Variants in IL12RB2 observed in about 807,000 individuals in gnomAD.
IL12RB2 encodes interleukin 12 receptor subunit beta 2.
In IL12RB2, 82 loss-of-function variants were observed where a neutral mutation model predicts 89.4. The observed-to-expected ratio is 0.92, with a 90% CI of 0.77 to 1.10. The LOEUF is 1.10. Among genes scored for constraint, IL12RB2 ranks in the 50% least tolerant of loss-of-function variants. The pLI, the probability that IL12RB2 is intolerant of heterozygous loss-of-function variation, is 0.00. For missense variants in IL12RB2, 963 were observed against 1,031.9 expected, an observed-to-expected ratio of 0.93 and a Z score of 0.92; for synonymous variants, 368 against 370.1, an observed-to-expected ratio of 0.99 and a Z score of 0.07.
chr1:67,371,559 C>T (rs1427719623), intron 11 of IL12RB2, among the ~76,000 whole-genome samples: 1 of 151,968 alleles, frequency 6.6e-6, no homozygotes, highest in Non-Finnish European at 1.5e-5. Flanking sequence ...ATCTCTTTTT[C>T]CTTTAAATGT....
intron 16 of IL12RB2, among the ~76,000 whole-genome samples, chr1:67,392,868 C>T (rs932149566): frequency 2.6e-5 from 4 of 152,096 alleles, no homozygotes; most frequent in African/African-American, 9.7e-5. Context: ...AAGTGATCCA[C>T]CCGCCTCAGC....
chr1:67,332,540 T>A (rs1311004942), intron 8 of IL12RB2, among the ~76,000 whole-genome samples: 1 of 152,230 alleles, frequency 6.6e-6, no homozygotes, highest in Non-Finnish European at 1.5e-5. Flanking sequence ...CAACAAATGA[T>A]AATTTATTAC....
Position 67,329,667 on chromosome 1 carries a change from G to A in IL12RB2, c.745G>A (p.Glu249Lys). Residue 249 changes from glutamate (E) to lysine (K), a missense_variant, in exon 7 of 17, where the codon GAG (glutamate) becomes AAG (lysine). Glu to Lys is a moderately conservative substitution (Grantham distance 56). Transcript: ENST00000674203. ...VSRCTLYWRD[E>K]GLVLLNRLRY... is the part of the protein sequence containing the mutation. ...CAGATGTACCCTTTATTGGAGAGAT[G>A]AGGGACTGGTACTGCTTAATCGACT... 1 of 1,589,864 alleles carries A rather than the reference G, an allele frequency of 6.3e-7. No homozygotes were observed. Among genetic ancestry groups the A allele is most frequent in the Non-Finnish European group, 8.6e-7 (1 of 1,157,864 alleles).
intron 16 of IL12RB2, among the ~76,000 whole-genome samples, chr1:67,391,386 T>TAC (rs1491258426): frequency 7.5e-6 from 1 of 133,768 alleles, no homozygotes; most frequent in African/African-American, 3.1e-5. Context: ...TGTGTGTGTC[T>TAC]ATACACACAC....
intron 6 of IL12RB2, among the ~76,000 whole-genome samples, chr1:67,329,162 C>A (rs1248919594): frequency 6.6e-6 from 1 of 152,182 alleles, no homozygotes; most frequent in Non-Finnish European, 1.5e-5. Flanking sequence ...CTTCTCGCCC[C>A]CTTGTTCTTT....
chr1:67,321,570 C>T (rs1294323520), intron 3 of IL12RB2, 32 bp from the exon 4 acceptor site: 1 of 1,455,462 alleles, frequency 6.9e-7, no homozygotes. Context: ...TTATTATCAC[C>T]AACTAAATAT....
Position 67,338,336 on chromosome 1 carries a change from C to CAAAAAAAAA in IL12RB2, c.959-259_959-251dup. Among the ~76,000 whole-genome samples, 175 of 40,098 alleles carry CAAAAAAAAA rather than the reference C, an allele frequency of 4.4e-3. 5 individuals carry two copies. The highest frequency in any genetic ancestry group is 6.5e-3 in the Non-Finnish European group (115 of 17,752). 26.3% of individuals were successfully genotyped at this position (40,098 alleles called of 152,430 possible). On this transcript the variant is annotated intron_variant, in intron 8 of 16. Coordinates refer to ENST00000674203, the MANE Select transcript of IL12RB2 (RefSeq NM_001374259.2). The stretch of plus-strand genomic sequence containing the variant: ...GAGGCAACAGAGCAAGATCCTGTCT[C>CAAAAAAAAA]AAAAAAAAAAAAAAAAAAAAAAAAA...
chr1:67,329,759 AC>A (rs746542628), intron 7 of IL12RB2, 30 bp downstream of exon 7: 2 of 1,503,358 alleles, frequency 1.3e-6, no homozygotes, highest in African/African-American at 2.7e-5. Flanking sequence ...AGGAAAAAAC[AC>A]TGAAGCATTC....
In IL12RB2 at chr1:67,395,958, G is replaced by A; in HGVS notation, c.2458G>A (p.Glu820Lys). 6.2e-7 allele frequency: 1 copy of A among 1,610,518 alleles called. No individual in the cohort carries two copies. The highest frequency in any genetic ancestry group is 2.2e-5 in the East Asian group (1 of 44,878). Residue 820 changes from glutamate (E) to lysine (K), a missense_variant, in exon 17 of 17, where the codon GAA becomes AAA. By Grantham distance (56) the Glu-to-Lys change is moderately conservative. Transcript: ENST00000674203. ...SHEAPLADSL[E>K]ELEPQHISLS... is the part of the protein sequence containing the mutation. ...TGAGGCACCTCTCGCTGACTCTCTGGAAGAACTGGAGCCTCAGCACATCTC... is the reference window on the plus strand; with the variant it reads ...TGAGGCACCTCTCGCTGACTCTCTGAAAGAACTGGAGCCTCAGCACATCTC...
intron 10 of IL12RB2, among the ~76,000 whole-genome samples, chr1:67,359,716 A>AAAAAAAC: frequency 6.6e-6 from 1 of 151,786 alleles, no homozygotes. Flanking sequence ...AGCATCTCAA[A>AAAAAAAC]AAAAAAACAA....
intron 9 of IL12RB2, among the ~76,000 whole-genome samples, chr1:67,340,350 A>G (rs1659390040): frequency 6.6e-6 from 1 of 152,252 alleles, no homozygotes; most frequent in African/African-American, 2.4e-5. Context: ...AGAAGAACCC[A>G]GCCTAATTAT....
intron 9 of IL12RB2, among the ~76,000 whole-genome samples, chr1:67,339,086 T>C (rs17129823): frequency 0.043 from 6,425 of 150,522 alleles, 184 homozygotes; most frequent in Admixed American, 0.067. Flanking sequence ...AAACAAAAGA[T>C]GAAAAAGCTG....
intron 4 of IL12RB2, among the ~76,000 whole-genome samples, chr1:67,322,710 C>T (rs940795462): frequency 3.9e-5 from 6 of 152,160 alleles, no homozygotes; most frequent in Non-Finnish European, 1.5e-5. Context: ...GGCCAAAGTC[C>T]ACCTGACGGG....
intron 6 of IL12RB2, among the ~76,000 whole-genome samples, chr1:67,328,695 T>C (rs1363691921): frequency 6.6e-6 from 1 of 152,184 alleles, no homozygotes; most frequent in Non-Finnish European, 1.5e-5. Flanking sequence ...TGTGAGGTCA[T>C]TCAAGATGCT....
In IL12RB2 at chr1:67,330,678, A is replaced by T; in HGVS notation, c.826A>T (p.Lys276Ter). The change falls in exon 8 of 17, where the codon AAA becomes TAA. Residue 276 changes from lysine (K) to a stop codon, truncating the protein, a stop_gained. Transcript: ENST00000674203. LOFTEE classifies it high-confidence loss of function. ...TTTCAAGGTTAATGTTACAAAGGCC[A>T]AAGGAAGACATGATTTGCTGGATCT... ...LWNMVNVTKA[K>*]GRHDLLDLKP... 6.5e-7 allele frequency: 1 copy of T among 1,549,732 alleles called. No individual in the cohort carries two copies.
Position 67,396,046 on chromosome 1 carries a change from C to A in IL12RB2, c.2546C>A (p.Thr849Asn). Residue 849 changes from threonine to asparagine, a missense_variant, in exon 17 of 17, where the codon ACT becomes AAT. Coordinates refer to ENST00000674203, the MANE Select transcript of IL12RB2 (RefSeq NM_001374259.2). ...ACCTTCTCCTGTGGTGATAAGCTGA[C>A]TCTGGATCAGTTAAAGATGAGGTGT... is the stretch of plus-strand genomic sequence containing the variant. ...PLTFSCGDKLTLDQLKMRCDS... is the reference protein window; with the variant it reads ...PLTFSCGDKLNLDQLKMRCDS... 1 of 1,609,370 alleles carries A rather than the reference C, an allele frequency of 6.2e-7. No homozygotes were observed. The highest frequency in any genetic ancestry group is 8.5e-7 in the Non-Finnish European group (1 of 1,175,542).
At chr1:67,320,251 C>G in intron 2 of IL12RB2, 82 bp from the exon 3 acceptor site, 1 of 1,586,862 alleles carries the variant, frequency 6.3e-7, no homozygotes, top group South Asian at 1.1e-5. Context: ...AATAAAGCGG[C>G]ACTTGAAGCT....
intron 13 of IL12RB2, among the ~76,000 whole-genome samples, chr1:67,375,307 G>C (rs1663837616): frequency 6.6e-6 from 1 of 152,084 alleles, no homozygotes; most frequent in Admixed American, 6.5e-5. Context: ...GAGGTGTGAG[G>C]ATCACTGAGC....
chr1:67,340,169 A>C (rs528358267), intron 9 of IL12RB2, among the ~76,000 whole-genome samples: 1 of 152,220 alleles, frequency 6.6e-6, no homozygotes, highest in African/African-American at 2.4e-5. Context: ...CACACATAAA[A>C]CGTCTGGTAT....
Sources: allele counts gnomAD v4.1 joint callset (sites outside exome capture counted in the v4.1 genomes callset), GRCh38; gene constraint gnomAD v4.1.1; transcripts MANE v1.5; gene names NCBI Gene and HGNC (gene_info 2026-07-23, HGNC 2026-07-21).